DHX40: variants seen among roughly 807,000 people sequenced by gnomAD.
The protein encoded by DHX40 is probable ATP-dependent RNA helicase DHX40.
Under a neutral mutation model 89.6 loss-of-function variants are expected in DHX40, and 28 were observed. The observed-to-expected ratio is 0.31, with a 90% confidence interval of 0.23 to 0.43. DHX40 has a LOEUF of 0.43. DHX40 is among the 20% of genes least tolerant of loss of function. DHX40 has a pLI of 1.00. For missense variants in DHX40, 457 were observed against 844.0 expected (o/e 0.54, Z 5.68); for synonymous variants, 226 against 283.6 (o/e 0.80, Z 2.04).
Position 59,605,370 on chromosome 17 carries a change from T to C in DHX40, c.1972-76T>C, listed in dbSNP as rs541037668. The C allele has an allele frequency of 7.5e-4, 1,083 of 1,448,466 alleles. 4 individuals are homozygous for C. Among genetic ancestry groups the C allele is most frequent in the Middle Eastern group, 8.6e-4 (4 of 4,668 alleles). The allele number at this position is 1,448,466 out of a possible 1,614,324, so 89.7% of individuals were successfully genotyped here. A position where few individuals can be genotyped will look rare whatever the true frequency, so the allele number is the denominator to read the frequency against. The stretch of plus-strand genomic sequence containing the variant: ...AGATAGGAATTAATTGAGAAGGATT[T>C]GGACTATTTGGTTGGTTTAATGTGG... On this transcript the variant is annotated intron_variant, in intron 16 of 17. Coordinates refer to ENST00000251241, the MANE Select transcript of DHX40 (RefSeq NM_024612.5).
chr17:59,604,857 T>G (rs1215840905), intron 15 of DHX40: 2 of 360,204 alleles, frequency 5.6e-6, no homozygotes, highest in Non-Finnish European at 1.0e-5. Flanking sequence ...AGCTCATAGA[T>G]TATTGTTAAT....
intron 4 of DHX40, among the ~76,000 whole-genome samples, chr17:59,573,453 C>T (rs1208946713): frequency 6.6e-6 from 1 of 152,126 alleles, no homozygotes; most frequent in Non-Finnish European, 1.5e-5. Context: ...TCTCAACCTC[C>T]TGAGTTGCTG....
intron 10 of DHX40, among the ~76,000 whole-genome samples, chr17:59,580,739 A>G (rs2048935105): frequency 6.6e-6 from 1 of 150,916 alleles, no homozygotes; most frequent in Non-Finnish European, 1.5e-5. Context: ...GCAGTGAGCC[A>G]TGATTGCACC....
chr17:59,569,899 C>G (rs2143201410), intron 2 of DHX40, among the ~76,000 whole-genome samples: 1 of 145,342 alleles, frequency 6.9e-6, no homozygotes, highest in East Asian at 2.0e-4. Context: ...ACAAAATTAG[C>G]CCGGCATGGT....
intron 2 of DHX40, among the ~76,000 whole-genome samples, chr17:59,569,741 TTTTC>T (rs1194943022): frequency 1.7e-4 from 24 of 145,132 alleles, no homozygotes; most frequent in Middle Eastern, 3.6e-3. Flanking sequence ...ATATATAATT[TTTTC>T]TTTCTTTTTT....
At position 59,605,587 on chromosome 17, in the gene DHX40, C is replaced by T. The variant is rs1418400037; in HGVS notation, c.2113C>T (p.His705Tyr). 6.2e-7 allele frequency: 1 copy of T among 1,614,024 alleles called. No homozygotes were observed. Among genetic ancestry groups the T allele is most frequent in the Non-Finnish European group, 8.5e-7 (1 of 1,180,014 alleles). ...LLPKLHEFNA[H>Y]DLSSVARREV... Reference sequence around the variant, plus strand: ...ACCCAAGTTGCATGAATTTAATGCACATGATTTGAGCAGTGTGGCCCGACG... The same window carrying T: ...ACCCAAGTTGCATGAATTTAATGCATATGATTTGAGCAGTGTGGCCCGACG... Residue 705 changes from histidine to tyrosine, a missense_variant, in exon 17 of 18, where the codon CAT becomes TAT. Transcript: ENST00000251241.
intron 3 of DHX40, among the ~76,000 whole-genome samples, chr17:59,572,542 C>A (rs2048824975): frequency 6.6e-6 from 1 of 152,162 alleles, no homozygotes; most frequent in Non-Finnish European, 1.5e-5. Flanking sequence ...CCACACCTGG[C>A]TAATTTTTAT....
chr17:59,567,338 C>T (rs1007051397), intron 2 of DHX40, among the ~76,000 whole-genome samples: 1 of 152,194 alleles, frequency 6.6e-6, no homozygotes, highest in African/African-American at 2.4e-5. Context: ...TGAAGTTCCA[C>T]GCCACCAAGT....
rs2030912700 is a variant in DHX40, at chr17:59,607,097, T to C, written c.2265T>C (p.Asp755=). The C allele has an allele frequency of 1.2e-6, 2 of 1,614,196 alleles. No individual in the cohort carries two copies. The highest frequency in any genetic ancestry group is 2.7e-5 in the African/African-American group (2 of 75,056). ...GAAATGATGACAAATCCATATCTGA[T>C]GCACGGGCTCGTTTCCTTGAGAGAA... The part of the protein sequence containing the change: ...QRRNDDKSIS[D]ARARFLERKQ... Residue 755 remains aspartate (D), a synonymous_variant, in exon 18 of 18, where the codon GAT becomes GAC. Transcript: ENST00000251241.
chr17:59,567,972 A>G (rs1386154523), intron 2 of DHX40, among the ~76,000 whole-genome samples: 1 of 150,032 alleles, frequency 6.7e-6, no homozygotes, highest in African/African-American at 2.5e-5. Flanking sequence ...CAGTGGCTCA[A>G]GCCTGTAATC....
At position 59,570,674 on chromosome 17, in the gene DHX40, CTTG is replaced by C; in HGVS notation, c.426+15_426+17del. The C allele has an allele frequency of 1.3e-6, 2 of 1,598,694 alleles. No individual in the cohort carries two copies. Among genetic ancestry groups the C allele is most frequent in the Non-Finnish European group, 1.7e-6 (2 of 1,172,472 alleles). Reference sequence around the variant, plus strand: ...GATTGCAGTTCTAAGGTACAAAAGTCTTGTTGGTATTTGTTTCTTTTCTTTTAT... The same window carrying C: ...GATTGCAGTTCTAAGGTACAAAAGTCTTGGTATTTGTTTCTTTTCTTTTAT... On this transcript the variant is annotated intron_variant, in intron 3 of 17. Coordinates refer to ENST00000251241, the MANE Select transcript of DHX40 (RefSeq NM_024612.5).
Position 59,607,347 on chromosome 17 carries a change from A to G in DHX40, c.*175A>G. 1 of 1,298,448 alleles carries G rather than the reference A, an allele frequency of 7.7e-7. No homozygotes were observed. 80.4% of individuals were successfully genotyped at this position (1,298,448 alleles called of 1,614,324 possible). ...AAAGCTCATCAGTTCCCATAAATGC[A>G]GTTGTCAAAGAAAAGATTTGGTTGC... On this transcript the variant is annotated 3_prime_UTR_variant, in exon 18 of 18. Coordinates refer to ENST00000251241, the MANE Select transcript of DHX40 (RefSeq NM_024612.5).
chr17:59,570,070 T>C (rs2048772230), intron 2 of DHX40, among the ~76,000 whole-genome samples: 1 of 107,696 alleles, frequency 9.3e-6, no homozygotes, highest in Admixed American at 1.1e-4. Flanking sequence ...CATTATATTA[T>C]AATGTATATT....
intron 2 of DHX40, among the ~76,000 whole-genome samples, chr17:59,568,509 C>T (rs958490133): frequency 6.6e-6 from 1 of 152,076 alleles, no homozygotes; most frequent in Non-Finnish European, 1.5e-5. Context: ...CCAAACCCTG[C>T]ATATACTATG....
chr17:59,576,867 G>GTT (rs751587416), intron 7 of DHX40, among the ~76,000 whole-genome samples: 11 of 142,374 alleles, frequency 7.7e-5, no homozygotes, highest in African/African-American at 7.7e-5. Context: ...TCTTGCCTCT[G>GTT]TTTTTTTTTT....
chr17:59,576,441 TG>T (rs1220070659), intron 7 of DHX40, among the ~76,000 whole-genome samples: 1 of 152,118 alleles, frequency 6.6e-6, no homozygotes, highest in Admixed American at 6.6e-5. Context: ...AGCATTTGAA[TG>T]TTTTTATATT....
At chr17:59,604,882 C>T in intron 15 of DHX40, 1 of 468,260 alleles carries the variant, frequency 2.1e-6, no homozygotes, top group Non-Finnish European at 3.9e-6. Context: ...GTACTGATTC[C>T]TTATACCTAA....
Position 59,565,787 on chromosome 17 carries a change from C to A in DHX40, c.112+4C>A. On this transcript the variant is annotated splice_donor_region_variant and intron_variant, in intron 1 of 17. Transcript: ENST00000251241. ...GCTGTTTGCATCGCCGATAGAGGTG[C>A]GGTCCGCGGGACGGTACGGAAGCCA... is the stretch of plus-strand genomic sequence containing the variant. The A allele has an allele frequency of 1.3e-6, 2 of 1,595,288 alleles. No individual in the cohort carries two copies. The highest frequency in any genetic ancestry group is 1.7e-6 in the Non-Finnish European group (2 of 1,174,478).
intron 16 of DHX40, 123 bp from the exon 17 acceptor site, chr17:59,605,323 G>A (rs1055054686): frequency 1.6e-5 from 20 of 1,282,860 alleles, no homozygotes; most frequent in Non-Finnish European, 2.1e-5. Flanking sequence ...GTATTGGTTG[G>A]CCTGTGCCTC....
Sources: allele counts gnomAD v4.1 joint callset (sites outside exome capture counted in the v4.1 genomes callset), GRCh38; gene constraint gnomAD v4.1.1; transcripts MANE v1.5; gene names NCBI Gene and HGNC (gene_info 2026-07-23, HGNC 2026-07-21).